The following GNB4 variants were observed in gnomAD, a reference collection of about 807,000 sequenced individuals.
The protein encoded by GNB4 is guanine nucleotide-binding protein subunit beta-4.
GNB4 carries 28 observed loss-of-function variants against 45.2 expected under a neutral mutation model. That is an observed-to-expected ratio of 0.62 (90% confidence interval 0.46 to 0.85). GNB4 has a LOEUF of 0.85. Among genes scored for constraint, GNB4 ranks in the 40% least tolerant of loss-of-function variants. The pLI, the probability that GNB4 is intolerant of heterozygous loss-of-function variation, is 0.00. For synonymous variants in GNB4, 132 were observed against 143.7 expected (o/e 0.92, Z 0.58); for missense variants, 321 against 425.4 (o/e 0.75, Z 2.16).
the GNB4 span, among the ~76,000 whole-genome samples, chr3:179,482,887 T>C: frequency 6.6e-6 from 1 of 152,168 alleles, no homozygotes; most frequent in Non-Finnish European, 1.5e-5. Context: ...GTGTTTTACT[T>C]TTCTCCCCAT....
the GNB4 span, among the ~76,000 whole-genome samples, chr3:179,498,994 C>T: frequency 2.6e-5 from 4 of 151,878 alleles, no homozygotes; most frequent in Non-Finnish European, 5.9e-5. Flanking sequence ...TCAACTCCCG[C>T]TTATCAGTGA....
chr3:179,430,077 GAC>G (rs1715264695), intron 1 of GNB4, among the ~76,000 whole-genome samples: 24 of 44,512 alleles, frequency 5.4e-4, no homozygotes, highest in East Asian at 2.3e-3. Flanking sequence ...GAGAGAGACA[GAC>G]AGACAGACAG....
chr3:179,494,075 G>T, the GNB4 span, among the ~76,000 whole-genome samples: 2 of 152,106 alleles, frequency 1.3e-5, no homozygotes, highest in African/African-American at 4.8e-5. Context: ...AACTTCCATT[G>T]CCATGTGATC....
chr3:179,438,627 T>C (rs1035960691), intron 1 of GNB4, among the ~76,000 whole-genome samples: 1 of 152,210 alleles, frequency 6.6e-6, no homozygotes, highest in Non-Finnish European at 1.5e-5. Context: ...TTCTTGGCCT[T>C]ATGCTGCAAT....
the GNB4 span, among the ~76,000 whole-genome samples, chr3:179,493,341 A>G: frequency 6.6e-6 from 1 of 152,156 alleles, no homozygotes; most frequent in Non-Finnish European, 1.5e-5. Flanking sequence ...TGAGGAAAAC[A>G]ATACCATAAC....
the GNB4 span, among the ~76,000 whole-genome samples, chr3:179,499,283 G>A: frequency 4.7e-4 from 71 of 150,542 alleles, no homozygotes; most frequent in East Asian, 9.0e-3. Flanking sequence ...TCAGCCTCCC[G>A]AGCAGCTGGG....
chr3:179,409,637 C>T (rs1293024219), intron 8 of GNB4, among the ~76,000 whole-genome samples: 1 of 151,772 alleles, frequency 6.6e-6, no homozygotes, highest in Non-Finnish European at 1.5e-5. Flanking sequence ...TGGTGAAACC[C>T]CTTCTCTACT....
chr3:179,449,695 AGAGAT>A (rs1715821388), intron 1 of GNB4, among the ~76,000 whole-genome samples: 1 of 152,250 alleles, frequency 6.6e-6, no homozygotes, highest in African/African-American at 2.4e-5. Context: ...CCAGCCCAGA[AGAGAT>A]ATTTTAATAA....
At chr3:179,514,832 A>G in the GNB4 span, among the ~76,000 whole-genome samples, 1 of 152,218 alleles carries the variant, frequency 6.6e-6, no homozygotes, top group Admixed American at 6.5e-5. Flanking sequence ...TAAGCTGCCC[A>G]GTCTGTGGCA....
chr3:179,422,427 G>A (rs1021744281), intron 2 of GNB4, among the ~76,000 whole-genome samples: 5 of 149,902 alleles, frequency 3.3e-5, no homozygotes, highest in African/African-American at 9.9e-5. Flanking sequence ...AGGAGTTTTA[G>A]ATAAGCCTGG....
At chr3:179,526,144 G>T in the GNB4 span, among the ~76,000 whole-genome samples, 1 of 152,352 alleles carries the variant, frequency 6.6e-6, no homozygotes, top group South Asian at 2.1e-4. Context: ...TTGTTCTCTG[G>T]CGGGCAGGGG....
the GNB4 span, among the ~76,000 whole-genome samples, chr3:179,492,430 T>C: frequency 1.4e-4 from 22 of 151,902 alleles, no homozygotes; most frequent in South Asian, 1.7e-3. Context: ...CTTGCCAGTA[T>C]GCTCCACCAC....
At chr3:179,470,091 TA>T in the GNB4 span, among the ~76,000 whole-genome samples, 2 of 152,230 alleles carry the variant, frequency 1.3e-5, no homozygotes, top group Non-Finnish European at 2.9e-5. Flanking sequence ...CACTGTTGTA[TA>T]AAAGTATAGC....
the GNB4 span, among the ~76,000 whole-genome samples, chr3:179,459,574 C>T: frequency 2.0e-5 from 3 of 151,786 alleles, no homozygotes; most frequent in Non-Finnish European, 4.4e-5. Context: ...CCCAGCTACT[C>T]GGGAGGCTGA....
chr3:179,401,358 GT>G, intron 9 of GNB4, 39 bp from the exon 10 acceptor site: 1 of 1,393,176 alleles, frequency 7.2e-7, no homozygotes, highest in Non-Finnish European at 1.0e-6. Context: ...CAATTGTAGG[GT>G]TTTAGAATTA....
chr3:179,403,387 G>A (rs1160498523), intron 9 of GNB4, among the ~76,000 whole-genome samples: 1 of 151,968 alleles, frequency 6.6e-6, no homozygotes, highest in Non-Finnish European at 1.5e-5. Flanking sequence ...TAGCTCTTAA[G>A]TTAAAAAGAT....
chr3:179,409,700 C>T (rs969095383), intron 8 of GNB4, among the ~76,000 whole-genome samples: 1 of 151,540 alleles, frequency 6.6e-6, no homozygotes, highest in African/African-American at 2.4e-5. Flanking sequence ...GTCTCAGTTA[C>T]TTCGAAGGCT....
At chr3:179,510,916 G>A in the GNB4 span, among the ~76,000 whole-genome samples, 1 of 152,058 alleles carries the variant, frequency 6.6e-6, no homozygotes, top group East Asian at 1.9e-4. Context: ...TATGAATCTG[G>A]GCACGCCTGA....
chr3:179,470,128 C>G, the GNB4 span, among the ~76,000 whole-genome samples: 1 of 152,164 alleles, frequency 6.6e-6, no homozygotes, highest in Non-Finnish European at 1.5e-5. Context: ...ATGCAATATA[C>G]AATATTTGAC....
Sources: allele counts gnomAD v4.1 joint callset (sites outside exome capture counted in the v4.1 genomes callset), GRCh38; gene constraint gnomAD v4.1.1; transcripts MANE v1.5; gene names NCBI Gene and HGNC (gene_info 2026-07-23, HGNC 2026-07-21).